The following DHRSX variants were observed in gnomAD, a reference collection of about 807,000 sequenced individuals.
DHRSX encodes the protein dehydrogenase/reductase X-linked.
Under a neutral mutation model 34.0 loss-of-function variants are expected in DHRSX, and 31 were observed. That is an observed-to-expected ratio of 0.91 (90% CI 0.69 to 1.23). DHRSX has a LOEUF of 1.23. Ranked by LOEUF, DHRSX falls within the 50% of genes most tolerant of loss-of-function variation. The pLI is 0.00. For synonymous variants in DHRSX, 201 were observed against 183.8 expected, an observed-to-expected ratio of 1.09 and a Z score of -0.76; for missense variants, 414 against 428.1, an observed-to-expected ratio of 0.97 and a Z score of 0.29.
At chrX:2,494,411 T>C (rs1226386624) in intron 1 of DHRSX, among the ~76,000 whole-genome samples, 2 of 152,000 alleles carry the variant, frequency 1.3e-5, no homozygotes, top group East Asian at 1.9e-4. Flanking sequence ...CTTTTGTTAT[T>C]AGGCTGAAAG....
chrX:2,460,413 A>G (rs1422393328), intron 1 of DHRSX, among the ~76,000 whole-genome samples: 1 of 152,038 alleles, frequency 6.6e-6, no homozygotes, highest in Non-Finnish European at 1.5e-5. Context: ...GAAATTTCCT[A>G]TCTTTTTAAA....
chrX:2,268,453 C>T (rs936867944), intron 4 of DHRSX, among the ~76,000 whole-genome samples: 21 of 152,160 alleles, frequency 1.4e-4, no homozygotes, highest in African/African-American at 2.7e-4. Context: ...TATATGCATA[C>T]GCATTTGTAA....
At chrX:2,391,754 C>G (rs1410399645) in intron 3 of DHRSX, among the ~76,000 whole-genome samples, 1 of 151,978 alleles carries the variant, frequency 6.6e-6, no homozygotes, top group African/African-American at 2.4e-5. Flanking sequence ...GGTGAAATTC[C>G]CATCTCTACT....
chrX:2,429,626 ATTT>A (rs56358115), intron 1 of DHRSX, among the ~76,000 whole-genome samples: 2 of 150,568 alleles, frequency 1.3e-5, no homozygotes, highest in Non-Finnish European at 3.0e-5. Context: ...TTTTTTTACT[ATTT>A]TTTTTTTGTA....
chrX:2,474,431 T>C (rs773908706), intron 1 of DHRSX, among the ~76,000 whole-genome samples: 174 of 149,106 alleles, frequency 1.2e-3, no homozygotes, highest in Admixed American at 6.4e-3. Context: ...ACCGCCCCCA[T>C]GTACGCACTG....
In DHRSX at chrX:2,430,605, C is replaced by T. The variant is rs186938644; in HGVS notation, c.110-5301G>A. Among the ~76,000 whole-genome samples, 72 of 152,250 alleles carry T rather than the reference C, an allele frequency of 4.7e-4. 1 individual carries two copies. Among genetic ancestry groups the T allele is most frequent in the African/African-American group, 1.7e-3 (71 of 41,540 alleles). ...CTTCACAGGTGTGAGGCACCTACACCATCACCTGCAAGCCTTCCTCCACTC... is the reference window on the plus strand; with the variant it reads ...CTTCACAGGTGTGAGGCACCTACACTATCACCTGCAAGCCTTCCTCCACTC... On this transcript the variant is annotated intron_variant, in intron 1 of 6. Coordinates refer to ENST00000334651, the MANE Select transcript of DHRSX (RefSeq NM_145177.3).
chrX:2,227,153 G>A (rs1272365925), intron 6 of DHRSX, among the ~76,000 whole-genome samples: 9 of 152,046 alleles, frequency 5.9e-5, no homozygotes, highest in South Asian at 2.1e-4. Flanking sequence ...GCTGAGAACC[G>A]GGCAGGAAGG....
At chrX:2,368,495 T>C (rs6641938) in intron 3 of DHRSX, among the ~76,000 whole-genome samples, 2 of 151,978 alleles carry the variant, frequency 1.3e-5, no homozygotes, top group East Asian at 1.9e-4. Flanking sequence ...GTTCAAACAA[T>C]TGCTAAACAA....
rs775543938 is a variant in DHRSX at position 2,432,878 on chromosome X, C to CT, written c.110-7575dup. Among the ~76,000 whole-genome samples the CT allele has an allele frequency of 4.3e-4, 65 of 152,290 alleles. No individual in the cohort carries two copies. In the Middle Eastern group the frequency reaches 0.014, roughly 32 times the overall value. ...GTGGCTCATGCCTGTAATCCCAGCA[C>CT]TTTGAGGGCTGAGGTGGGGGTATCG... is the stretch of plus-strand genomic sequence containing the variant. On this transcript the variant is annotated intron_variant, in intron 1 of 6. Transcript: ENST00000334651.
At chrX:2,224,874 C>T (rs912919590) in intron 6 of DHRSX, among the ~76,000 whole-genome samples, 10 of 147,016 alleles carry the variant, frequency 6.8e-5, no homozygotes, top group African/African-American at 2.3e-4. Flanking sequence ...ATGCACACAG[C>T]TCACACGCAC....
At chrX:2,495,066 T>C (rs1415554531) in intron 1 of DHRSX, among the ~76,000 whole-genome samples, 1 of 151,266 alleles carries the variant, frequency 6.6e-6, no homozygotes, top group African/African-American at 2.4e-5. Context: ...TTATTATTGT[T>C]ATTATTTGGC....
At chrX:2,391,050 T>C (rs2124621091) in intron 3 of DHRSX, among the ~76,000 whole-genome samples, 1 of 152,348 alleles carries the variant, frequency 6.6e-6, no homozygotes, top group East Asian at 1.9e-4. Context: ...CTTATCCATT[T>C]GCTTCTGGAA....
intron 3 of DHRSX, among the ~76,000 whole-genome samples, chrX:2,296,970 C>A (rs1173478544): frequency 1.1e-5 from 1 of 87,308 alleles, no homozygotes; most frequent in African/African-American, 1.3e-4. Context: ...AGATAGACCC[C>A]AGGCAGACAG....
intron 5 of DHRSX, among the ~76,000 whole-genome samples, chrX:2,259,023 C>T (rs1428114557): frequency 6.6e-6 from 1 of 152,134 alleles, no homozygotes; most frequent in Non-Finnish European, 1.5e-5. Flanking sequence ...GCCTGTAATC[C>T]CAGCACTTTG....
Position 2,448,510 on chromosome X carries a change from G to A in DHRSX, c.110-23206C>T, listed in dbSNP as rs960132926. Among the ~76,000 whole-genome samples, 25 of 148,250 alleles carry A rather than the reference G, an allele frequency of 1.7e-4. No individual in the cohort carries two copies. The East Asian group carries it at 1.8e-3, about 10-fold the overall frequency. ...AGTAGGTGAGGTGATATAGGTTAGA[G>A]TTAAGGTTATGTGAATATGTTAATT... On this transcript the variant is annotated intron_variant, in intron 1 of 6. Transcript: ENST00000334651.
chrX:2,438,023 G>A (rs1490232378), intron 1 of DHRSX, among the ~76,000 whole-genome samples: 1 of 130,018 alleles, frequency 7.7e-6, no homozygotes, highest in Non-Finnish European at 1.6e-5. Flanking sequence ...AAAAAAAACT[G>A]AATTCTGGCC....
chrX:2,459,520 G>C (rs1441911978), intron 1 of DHRSX, among the ~76,000 whole-genome samples: 1 of 139,444 alleles, frequency 7.2e-6, no homozygotes, highest in Admixed American at 7.7e-5. Context: ...GTACCATAGA[G>C]AGAGAGAGAG....
chrX:2,377,922 T>C (rs2043160890), intron 3 of DHRSX, among the ~76,000 whole-genome samples: 1 of 152,102 alleles, frequency 6.6e-6, no homozygotes, highest in Non-Finnish European at 1.5e-5. Flanking sequence ...GTATGTTTAG[T>C]AGAGATGGAG....
At chrX:2,346,020 T>TC (rs2042705333) in intron 3 of DHRSX, among the ~76,000 whole-genome samples, 1 of 152,128 alleles carries the variant, frequency 6.6e-6, no homozygotes, top group South Asian at 2.1e-4. Flanking sequence ...GGCACCCACC[T>TC]CCCGTGGTAT....
Sources: allele counts gnomAD v4.1 joint callset (sites outside exome capture counted in the v4.1 genomes callset), GRCh38; gene constraint gnomAD v4.1.1; transcripts MANE v1.5; gene names NCBI Gene and HGNC (gene_info 2026-07-23, HGNC 2026-07-21).